The following SCAPER variants were observed in gnomAD, a reference collection of about 807,000 sequenced individuals.
The protein encoded by SCAPER is S-phase cyclin A associated protein in the ER, also known as S phase cyclin A-associated protein in the endoplasmic reticulum.
In SCAPER, 98 loss-of-function variants were observed where a neutral mutation model predicts 182.2. The ratio of observed to expected loss-of-function variants is 0.54; its 90% CI spans 0.46 to 0.64. The LOEUF (loss-of-function observed/expected upper bound fraction) is 0.64. SCAPER is among the 30% of genes least tolerant of loss of function. The pLI is 0.00. For missense variants in SCAPER, 1,432 were observed against 1,690.0 expected (o/e 0.85, Z 2.68); for synonymous variants, 605 against 564.6 (o/e 1.07, Z -1.01).
intron 5 of SCAPER, among the ~76,000 whole-genome samples, chr15:76,839,661 G>A (rs1005713713): frequency 1.2e-4 from 18 of 152,102 alleles, no homozygotes; most frequent in East Asian, 1.9e-4. Flanking sequence ...TCACTTTGTC[G>A]AAACTTTCTC....
intron 5 of SCAPER, among the ~76,000 whole-genome samples, chr15:76,826,225 T>C (rs2068003282): frequency 6.6e-6 from 1 of 151,952 alleles, no homozygotes; most frequent in Admixed American, 6.6e-5. Context: ...TGGAATACTA[T>C]GCAGTCATAA....
chr15:76,892,589 A>C (rs545641923), intron 1 of SCAPER, among the ~76,000 whole-genome samples: 6 of 152,350 alleles, frequency 3.9e-5, no homozygotes, highest in Admixed American at 3.3e-4. Context: ...ATCACTGGCC[A>C]TCAGAGAAAC....
At chr15:76,546,910 C>G (rs1423118157) in intron 23 of SCAPER, among the ~76,000 whole-genome samples, 1 of 152,106 alleles carries the variant, frequency 6.6e-6, no homozygotes, top group African/African-American at 2.4e-5. Context: ...TATTCTGTGA[C>G]AATGCTACAA....
intron 25 of SCAPER, among the ~76,000 whole-genome samples, chr15:76,441,568 T>G (rs1314763960): frequency 1.3e-5 from 2 of 152,166 alleles, no homozygotes; most frequent in African/African-American, 2.4e-5. Flanking sequence ...ATTAATATAC[T>G]AAGTCAGTCT....
intron 22 of SCAPER, among the ~76,000 whole-genome samples, chr15:76,582,265 G>A (rs1351462230): frequency 6.6e-6 from 1 of 152,098 alleles, no homozygotes. Flanking sequence ...AAAACTGTAG[G>A]ATATAAAATC....
intron 26 of SCAPER, among the ~76,000 whole-genome samples, chr15:76,418,303 A>G (rs2142302001): frequency 6.6e-6 from 1 of 152,336 alleles, no homozygotes; most frequent in South Asian, 2.1e-4. Context: ...GCTCAGAGTC[A>G]GGGAGGACTT....
At chr15:76,677,807 T>C (rs995476489) in intron 20 of SCAPER, among the ~76,000 whole-genome samples, 1 of 151,464 alleles carries the variant, frequency 6.6e-6, no homozygotes, top group African/African-American at 2.4e-5. Context: ...GTTTATGACC[T>C]TGATAGTCTA....
At chr15:76,867,567 G>A (rs2072388766) in intron 2 of SCAPER, among the ~76,000 whole-genome samples, 1 of 152,122 alleles carries the variant, frequency 6.6e-6, no homozygotes, top group Non-Finnish European at 1.5e-5. Context: ...TTATAAGGGG[G>A]AAACAACTTC....
chr15:76,585,426 G>A (rs1421524333), intron 22 of SCAPER, among the ~76,000 whole-genome samples: 4 of 152,116 alleles, frequency 2.6e-5, no homozygotes, highest in Non-Finnish European at 5.9e-5. Context: ...GACCTTATGT[G>A]GAAGATTATT....
chr15:76,778,270 T>G (rs1049113107), intron 8 of SCAPER, among the ~76,000 whole-genome samples: 1 of 152,120 alleles, frequency 6.6e-6, no homozygotes, highest in African/African-American at 2.4e-5. Context: ...ATTTTAAAAA[T>G]GGAGAGAGTT....
At chr15:76,794,812 C>A (rs1207743344) in intron 8 of SCAPER, among the ~76,000 whole-genome samples, 1 of 151,848 alleles carries the variant, frequency 6.6e-6, no homozygotes, top group Non-Finnish European at 1.5e-5. Context: ...CATAATAATC[C>A]CTCTTCTAAT....
At chr15:76,901,456 A>T (rs1369113303) in intron 1 of SCAPER, among the ~76,000 whole-genome samples, 1 of 152,224 alleles carries the variant, frequency 6.6e-6, no homozygotes, top group East Asian at 1.9e-4. Context: ...AAATCTTGAC[A>T]AATTAAATAT....
At chr15:76,511,097 A>G (rs2041992983) in intron 23 of SCAPER, among the ~76,000 whole-genome samples, 1 of 152,038 alleles carries the variant, frequency 6.6e-6, no homozygotes, top group African/African-American at 2.4e-5. Context: ...CTGGGGACTC[A>G]GGGGGAAAGG....
At chr15:76,381,325 C>T in intron 28 of SCAPER, 53 bp downstream of exon 28, 1 of 1,483,120 alleles carries the variant, frequency 6.7e-7, no homozygotes, top group Non-Finnish European at 9.3e-7. Flanking sequence ...CCTATCTACA[C>T]TAAAATACTA....
At chr15:76,576,458 C>T (rs547273246) in intron 22 of SCAPER, among the ~76,000 whole-genome samples, 8 of 152,206 alleles carry the variant, frequency 5.3e-5, no homozygotes, top group Middle Eastern at 3.4e-3. Context: ...AAGTATTATC[C>T]CTATTTGAAA....
At chr15:76,790,750 G>T (rs62029175) in intron 8 of SCAPER, among the ~76,000 whole-genome samples, 10,208 of 152,070 alleles carry the variant, frequency 0.067, 380 homozygotes, top group Middle Eastern at 0.11. Context: ...TGTAACTAGT[G>T]GTCTGTTAAT....
chr15:76,646,427 C>CTA (rs2054553465), intron 21 of SCAPER, among the ~76,000 whole-genome samples: 1 of 152,170 alleles, frequency 6.6e-6, no homozygotes, highest in Admixed American at 6.5e-5. Flanking sequence ...AGAGGTCCAG[C>CTA]TATTATACAG....
At chr15:76,795,157 T>C in intron 8 of SCAPER, 123 bp downstream of exon 8, 1 of 901,014 alleles carries the variant, frequency 1.1e-6, no homozygotes, top group Non-Finnish European at 1.6e-6. Context: ...TATGTTTTAA[T>C]TATGGTAAAT....
chr15:76,441,330 T>C (rs918244276), intron 25 of SCAPER, among the ~76,000 whole-genome samples: 4 of 152,204 alleles, frequency 2.6e-5, no homozygotes, highest in Admixed American at 2.6e-4. Flanking sequence ...CCTTTGAGCC[T>C]ATATTTATGC....
Sources: allele counts gnomAD v4.1 joint callset (sites outside exome capture counted in the v4.1 genomes callset), GRCh38; gene constraint gnomAD v4.1.1; transcripts MANE v1.5; gene names NCBI Gene and HGNC (gene_info 2026-07-23, HGNC 2026-07-21).